The following RARRES1 variants were observed in gnomAD, a reference collection of about 807,000 sequenced individuals.
The protein encoded by RARRES1 is retinoic acid receptor responder protein 1.
A neutral mutation model predicts 30.6 loss-of-function variants in RARRES1; 34 were observed. The observed-to-expected ratio is 1.11, with a 90% CI of 0.84 to 1.48. RARRES1 has a LOEUF of 1.48. Ranked by LOEUF, RARRES1 falls within the 40% of genes most tolerant of loss-of-function variation. The probability of loss-of-function intolerance (pLI) is 0.00; values close to 1 mark genes in which losing one functional copy is unlikely to be tolerated. For synonymous variants in RARRES1, 153 were observed against 155.5 expected, an observed-to-expected ratio of 0.98 and a Z score of 0.12; for missense variants, 373 against 386.5, an observed-to-expected ratio of 0.97 and a Z score of 0.29.
chr3:158,700,387 C>T (rs1013271439), intron 4 of RARRES1, among the ~76,000 whole-genome samples: 1 of 152,058 alleles, frequency 6.6e-6, no homozygotes, highest in Non-Finnish European at 1.5e-5. Context: ...GATTCCAGCC[C>T]CATTTGACAG....
At chr3:158,732,116 C>T (rs1232499751) in intron 1 of RARRES1, 24 bp downstream of exon 1, 2 of 1,317,986 alleles carry the variant, frequency 1.5e-6, no homozygotes, top group East Asian at 3.1e-5. Flanking sequence ...AGGCGCGTGC[C>T]CCGGCGCGTC....
chr3:158,720,100 G>A (rs1727456664), intron 1 of RARRES1, among the ~76,000 whole-genome samples: 1 of 152,060 alleles, frequency 6.6e-6, no homozygotes, highest in Admixed American at 6.5e-5. Context: ...TAAGGAATTG[G>A]CCAAAGTCAC....
intron 1 of RARRES1, among the ~76,000 whole-genome samples, chr3:158,730,330 A>C (rs963832730): frequency 9.6e-5 from 14 of 146,182 alleles, no homozygotes; most frequent in Admixed American, 2.7e-4. Flanking sequence ...AAAAAAAAAA[A>C]AAAAAAAACA....
At chr3:158,726,796 T>C (rs1342828329) in intron 1 of RARRES1, among the ~76,000 whole-genome samples, 1 of 152,220 alleles carries the variant, frequency 6.6e-6, no homozygotes, top group Non-Finnish European at 1.5e-5. Flanking sequence ...AAGACTGTGA[T>C]ATGATTTGGA....
chr3:158,732,237 T>G lies in RARRES1; in HGVS notation c.179A>C (p.Gln60Pro), dbSNP rs1576829319. The change falls in exon 1 of 6, where the codon CAG becomes CCG. Residue 60 changes from glutamine (Q) to proline (P), a missense_variant. Coordinates refer to ENST00000237696, the MANE Select transcript of RARRES1 (RefSeq NM_206963.2). ...GTGAAGCGCCGCGCGCGCCGCCTGCTGCAGGAGCCTGCGCGGGACCCCAGC... is the reference window on the plus strand; with the variant it reads ...GTGAAGCGCCGCGCGCGCCGCCTGCGGCAGGAGCCTGCGCGGGACCCCAGC... ...QDAGVPRRLL[Q>P]QAARAALHFF... 7.2e-7 allele frequency: 1 copy of G among 1,390,466 alleles called. No individual in the cohort carries two copies. The allele number at this position is 1,390,466 out of a possible 1,614,324, so 86.1% of individuals were successfully genotyped here.
chr3:158,720,460 T>C (rs776638885), intron 1 of RARRES1, among the ~76,000 whole-genome samples: 1 of 152,066 alleles, frequency 6.6e-6, no homozygotes, highest in South Asian at 2.1e-4. Context: ...ACAACAGATA[T>C]TTATTCTCAT....
intron 1 of RARRES1, among the ~76,000 whole-genome samples, chr3:158,722,250 T>A (rs1727541564): frequency 6.6e-6 from 1 of 152,220 alleles, no homozygotes; most frequent in Non-Finnish European, 1.5e-5. Context: ...AACTGTTCAT[T>A]CTAATAGCAC....
chr3:158,704,923 A>G lies in RARRES1; in HGVS notation c.540T>C (p.Asn180=), dbSNP rs778049210. 18 of 1,606,354 alleles carry G rather than the reference A, an allele frequency of 1.1e-5. No individual in the cohort carries two copies. Among genetic ancestry groups the G allele is most frequent in the Non-Finnish European group, 1.5e-5 (18 of 1,178,058 alleles). Residue 180 remains asparagine, a synonymous_variant, in exon 4 of 6, where the codon AAT becomes AAC. Coordinates refer to ENST00000237696, the MANE Select transcript of RARRES1 (RefSeq NM_206963.2). Reference sequence around the variant, plus strand: ...TCAGAGAGGGATCAATATGTCCATGATTATCTGAGAGAGACAAAAAAAGCA... The same window carrying G: ...TCAGAGAGGGATCAATATGTCCATGGTTATCTGAGAGAGACAAAAAAAGCA... The part of the protein sequence containing the change: ...NPLEIVSIPD[N]HGHIDPSLRL...
intron 5 of RARRES1, 24 bp from the exon 6 acceptor site, chr3:158,697,851 T>A (rs1228861153): frequency 6.3e-7 from 1 of 1,598,810 alleles, no homozygotes; most frequent in Non-Finnish European, 8.6e-7. Context: ...TTATAAAATA[T>A]TATAATCTGC....
At chr3:158,709,611 T>C (rs561322161) in intron 3 of RARRES1, among the ~76,000 whole-genome samples, 7 of 152,208 alleles carry the variant, frequency 4.6e-5, no homozygotes, top group Admixed American at 3.9e-4. Context: ...AGTAAATCGA[T>C]GGGGAGCAGA....
intron 1 of RARRES1, among the ~76,000 whole-genome samples, chr3:158,719,718 C>T (rs1251977230): frequency 6.6e-6 from 1 of 152,078 alleles, no homozygotes; most frequent in Non-Finnish European, 1.5e-5. Flanking sequence ...CTGATCAGCA[C>T]TTTGATTTTG....
intron 3 of RARRES1, among the ~76,000 whole-genome samples, chr3:158,707,841 A>G (rs910688554): frequency 3.3e-5 from 5 of 152,354 alleles, no homozygotes; most frequent in East Asian, 1.9e-4. Context: ...TGTGACATGT[A>G]TAAGTTTTTT....
At chr3:158,717,509 C>T (rs1180937566) in intron 1 of RARRES1, among the ~76,000 whole-genome samples, 4 of 152,184 alleles carry the variant, frequency 2.6e-5, no homozygotes, top group African/African-American at 7.2e-5. Context: ...GAGGAGCAGC[C>T]ATGGGGCCCC....
rs1727580240 is a variant in RARRES1 at position 158,723,587 on chromosome 3, C to G, written c.276+8553G>C. ...CCAAGGAGCTCTTTGCGTGCGAATGCTTTGCTTTCTCAGGCTAAGTAGCAA... is the reference window on the plus strand; with the variant it reads ...CCAAGGAGCTCTTTGCGTGCGAATGGTTTGCTTTCTCAGGCTAAGTAGCAA... On this transcript the variant is annotated intron_variant, in intron 1 of 5. Transcript: ENST00000237696. This position sits in a 1 kb window ranked among gnomAD's most constrained non-coding sequence, Gnocchi z 4.4. Among the ~76,000 whole-genome samples the G allele has an allele frequency of 6.6e-6, 1 of 152,226 alleles. No individual in the cohort carries two copies. The highest frequency in any genetic ancestry group is 6.5e-5 in the Admixed American group (1 of 15,282).
chr3:158,730,992 A>C (rs943983360), intron 1 of RARRES1, among the ~76,000 whole-genome samples: 12 of 151,938 alleles, frequency 7.9e-5, no homozygotes, highest in African/African-American at 2.9e-4. Flanking sequence ...CATGTTGGTC[A>C]GGCTGGTCTC....
At position 158,723,633 on chromosome 3, in the gene RARRES1, C is replaced by T. The variant is rs912428252; in HGVS notation, c.276+8507G>A. ...AGCAATGGAGAGGAAAGCCAGAATA[C>T]TGTGTGTCCTCTCTCTCAGCCAACC... is the stretch of plus-strand genomic sequence containing the variant. On this transcript the variant is annotated intron_variant, in intron 1 of 5. Transcript: ENST00000237696. The surrounding 1 kb of genome is among the most constrained non-coding windows in gnomAD (Gnocchi z 4.4). Among the ~76,000 whole-genome samples, 3 of 152,230 alleles carry T rather than the reference C, an allele frequency of 2.0e-5. No individual in the cohort carries two copies. The highest frequency in any genetic ancestry group is 4.4e-5 in the Non-Finnish European group (3 of 68,040).
At chr3:158,724,355 G>T (rs1489751982) in intron 1 of RARRES1, among the ~76,000 whole-genome samples, 1 of 152,142 alleles carries the variant, frequency 6.6e-6, no homozygotes, top group Non-Finnish European at 1.5e-5. Context: ...TGGCAAAAAG[G>T]ATTTTGCCAA....
At chr3:158,721,907 C>G in intron 1 of RARRES1, among the ~76,000 whole-genome samples, 1 of 152,042 alleles carries the variant, frequency 6.6e-6, no homozygotes, top group African/African-American at 2.4e-5. Flanking sequence ...GCCTGACCAA[C>G]ATGGAGAAAC....
At chr3:158,730,191 G>A (rs1727826216) in intron 1 of RARRES1, among the ~76,000 whole-genome samples, 2 of 151,706 alleles carry the variant, frequency 1.3e-5, no homozygotes, top group Non-Finnish European at 2.9e-5. Context: ...GTGGTGGCAC[G>A]TGCCTGTAAT....
Sources: allele counts gnomAD v4.1 joint callset (sites outside exome capture counted in the v4.1 genomes callset), GRCh38; gene constraint gnomAD v4.1.1; non-coding constraint Gnocchi (gnomAD v3.1); transcripts MANE v1.5; gene names NCBI Gene and HGNC (gene_info 2026-07-23, HGNC 2026-07-21).